CDC14B: variants seen among roughly 807,000 people sequenced by gnomAD.
CDC14B encodes dual specificity protein phosphatase CDC14B.
A neutral mutation model predicts 64.2 loss-of-function variants in CDC14B; 22 were observed. The observed-to-expected ratio is 0.34, with a 90% confidence interval of 0.24 to 0.49. The LOEUF (loss-of-function observed/expected upper bound fraction) is 0.49. Among genes scored for constraint, CDC14B ranks in the 20% least tolerant of loss-of-function variants. The pLI is 0.99. For missense variants in CDC14B, 498 were observed against 629.9 expected (o/e 0.79, Z 2.24); for synonymous variants, 191 against 215.8 (o/e 0.89, Z 1.01).
intron 1 of CDC14B, among the ~76,000 whole-genome samples, chr9:96,598,101 T>C (rs1047807924): frequency 6.6e-6 from 1 of 152,170 alleles, no homozygotes; most frequent in African/African-American, 2.4e-5. Flanking sequence ...AAAATACATT[T>C]GTAATTCATC....
chr9:96,495,758 A>G (rs1000698374), downstream of CDC14B, among the ~76,000 whole-genome samples: 4 of 152,154 alleles, frequency 2.6e-5, no homozygotes, highest in Non-Finnish European at 5.9e-5. Flanking sequence ...ACCAAGGTAG[A>G]AAGATGCCCT....
intron 4 of CDC14B, among the ~76,000 whole-genome samples, chr9:96,553,063 C>A (rs372107429): frequency 6.6e-6 from 1 of 152,204 alleles, no homozygotes; most frequent in Non-Finnish European, 1.5e-5. Context: ...TCATTACACA[C>A]CAATCCGATT....
chr9:96,617,799 T>C (rs1414439340), intron 1 of CDC14B, among the ~76,000 whole-genome samples: 1 of 152,166 alleles, frequency 6.6e-6, no homozygotes, highest in Admixed American at 6.5e-5. Flanking sequence ...TGTAAATGCA[T>C]TACTTGTCCT....
At chr9:96,513,954 C>T (rs1835259137) in intron 12 of CDC14B, among the ~76,000 whole-genome samples, 1 of 152,220 alleles carries the variant, frequency 6.6e-6, no homozygotes, top group Non-Finnish European at 1.5e-5. Context: ...GATGGTGGAG[C>T]TCAGGAGTCA....
At chr9:96,562,568 A>G (rs898390628) in intron 4 of CDC14B, 125 bp downstream of exon 4, 2 of 729,668 alleles carry the variant, frequency 2.7e-6, no homozygotes, top group Non-Finnish European at 4.8e-6. Flanking sequence ...AATTTTTTAA[A>G]AGCAAAACAC....
At position 96,500,644 on chromosome 9, in the gene CDC14B, C is replaced by G. The variant is rs1276434958; in HGVS notation, c.*3109G>C. The G allele has an allele frequency of 6.6e-6, 1 of 152,606 alleles. No homozygotes were observed. Among genetic ancestry groups the G allele is most frequent in the African/African-American group, 2.4e-5 (1 of 41,424 alleles). 9.5% of individuals were successfully genotyped at this position (152,606 alleles called of 1,614,324 possible). A position where few individuals can be genotyped will look rare whatever the true frequency, so the allele number is the denominator to read the frequency against. ...AATGGAAGAGCAGCAGATAGCCTCT[C>G]CAGGGCAGTTTCAGCGGGAGAGAAC... On this transcript the variant is annotated 3_prime_UTR_variant, in exon 14 of 14. Coordinates refer to ENST00000375241, the MANE Select transcript of CDC14B (RefSeq NM_033331.4).
At chr9:96,508,934 T>G (rs1326862993) in intron 13 of CDC14B, among the ~76,000 whole-genome samples, 1 of 152,134 alleles carries the variant, frequency 6.6e-6, no homozygotes, top group East Asian at 1.9e-4. Flanking sequence ...TTAGAAGAGA[T>G]CGTTTTTACC....
At chr9:96,603,610 A>G (rs1175009538) in intron 1 of CDC14B, among the ~76,000 whole-genome samples, 1 of 152,238 alleles carries the variant, frequency 6.6e-6, no homozygotes, top group Non-Finnish European at 1.5e-5. Flanking sequence ...AATTATTTCT[A>G]AAACTATTAA....
chr9:96,549,246 C>A (rs1182698267), intron 5 of CDC14B, among the ~76,000 whole-genome samples: 1 of 152,034 alleles, frequency 6.6e-6, no homozygotes, highest in Non-Finnish European at 1.5e-5. Flanking sequence ...AAACAAAATA[C>A]AAGCTCAAAT....
chr9:96,592,279 T>G (rs1845835415), intron 1 of CDC14B, among the ~76,000 whole-genome samples: 2 of 152,148 alleles, frequency 1.3e-5, no homozygotes, highest in Non-Finnish European at 2.9e-5. Flanking sequence ...GGTCTCACTA[T>G]GTTGCCCAGG....
At chr9:96,570,922 G>T (rs1276417838) in intron 1 of CDC14B, among the ~76,000 whole-genome samples, 1 of 152,128 alleles carries the variant, frequency 6.6e-6, no homozygotes, top group Non-Finnish European at 1.5e-5. Context: ...TCAAAGACTT[G>T]CCCAAATATA....
chr9:96,619,269 T>C lies in CDC14B; in HGVS notation c.110A>G (p.Gln37Arg). 2 of 1,364,278 alleles carry C rather than the reference T, an allele frequency of 1.5e-6. No homozygotes were observed. The highest frequency in any genetic ancestry group is 9.5e-7 in the Non-Finnish European group (1 of 1,052,968). 84.5% of individuals were successfully genotyped at this position (1,364,278 alleles called of 1,614,324 possible). A position where few individuals can be genotyped will look rare whatever the true frequency, so the allele number is the denominator to read the frequency against. Residue 37 changes from glutamine to arginine, a missense_variant, in exon 1 of 14, where the codon CAA becomes CGA. By Grantham distance (43) the Gln-to-Arg change is conservative. Coordinates refer to ENST00000375241, the MANE Select transcript of CDC14B (RefSeq NM_033331.4). ...GVKKIRSSTQ[Q>R]DPRRRDPQDD... ...CTGGGGGTCCCGGCGGCGCGGGTCT[T>C]GCTGCGTGGAGCTGCGGATCTTCTT...
chr9:96,530,431 ATT>A (rs755667991), intron 9 of CDC14B, among the ~76,000 whole-genome samples: 4,159 of 129,472 alleles, frequency 0.032, 193 homozygotes, highest in African/African-American at 0.11. Context: ...CGCCCGGCTA[ATT>A]TTTTTTTTTT....
chr9:96,540,006 G>A (rs986486798), intron 6 of CDC14B, among the ~76,000 whole-genome samples: 1 of 152,062 alleles, frequency 6.6e-6, no homozygotes, highest in Non-Finnish European at 1.5e-5. Flanking sequence ...AAATAAGAAG[G>A]CTAGAATATC....
At chr9:96,533,905 T>C in intron 9 of CDC14B, 22 bp downstream of exon 9, 2 of 1,501,818 alleles carry the variant, frequency 1.3e-6, no homozygotes, top group South Asian at 1.2e-5. Flanking sequence ...ATACTATTCT[T>C]TAACCACCCC....
intron 9 of CDC14B, among the ~76,000 whole-genome samples, chr9:96,533,116 G>A (rs534022427): frequency 6.1e-4 from 93 of 152,076 alleles, no homozygotes; most frequent in African/African-American, 2.1e-3. Flanking sequence ...ACAGGTATCC[G>A]TCACCACACC....
chr9:96,524,029 T>C (rs942791159), intron 9 of CDC14B, among the ~76,000 whole-genome samples: 1 of 152,200 alleles, frequency 6.6e-6, no homozygotes, highest in Non-Finnish European at 1.5e-5. Context: ...CTTCACCTCC[T>C]GGGCTCAAGC....
At chr9:96,550,582 A>T (rs1841652899) in intron 5 of CDC14B, among the ~76,000 whole-genome samples, 1 of 152,264 alleles carries the variant, frequency 6.6e-6, no homozygotes, top group Non-Finnish European at 1.5e-5. Context: ...CGAACTAATT[A>T]GTTTGAACAA....
At chr9:96,618,969 G>T (rs1847813332) in intron 1 of CDC14B, among the ~76,000 whole-genome samples, 1 of 152,146 alleles carries the variant, frequency 6.6e-6, no homozygotes, top group Non-Finnish European at 1.5e-5. Context: ...GGTCCATCTT[G>T]CTGGTGGAGG....
Sources: gnomAD v4.1 joint callset for allele counts (sites outside exome capture counted in the v4.1 genomes callset) on GRCh38, gnomAD v4.1.1 for gene constraint, MANE v1.5 for transcripts, NCBI Gene and HGNC (gene_info 2026-07-23, HGNC 2026-07-21) for gene names.